The following TASOR2 variants were observed in gnomAD, a reference collection of about 807,000 sequenced individuals.
TASOR2 encodes the protein protein TASOR 2.
Under a neutral mutation model 199.5 loss-of-function variants are expected in TASOR2, and 84 were observed. The observed-to-expected ratio is 0.42, with a 90% CI of 0.35 to 0.50. The LOEUF is 0.50. Ranked by LOEUF, TASOR2 falls within the 20% of genes least tolerant of loss-of-function variation. TASOR2 has a pLI of 0.02. For synonymous variants in TASOR2, 1,103 were observed against 1,046.6 expected (o/e 1.05, Z -1.04); for missense variants, 2,796 against 2,835.9 (o/e 0.99, Z 0.32).
chr10:5,691,786 C>T (rs1282720734), intron 1 of TASOR2, among the ~76,000 whole-genome samples: 5 of 152,088 alleles, frequency 3.3e-5, no homozygotes, highest in South Asian at 2.1e-4. Context: ...TTAAATTTTT[C>T]GTAAATTTTG....
rs1838221171 is a variant in TASOR2 at position 5,752,573 on chromosome 10, G to A, written c.6606+2546G>A. 6.6e-6 allele frequency among the ~76,000 whole-genome samples: 1 copy of A among 152,186 alleles called. No individual in the cohort carries two copies. The highest frequency in any genetic ancestry group is 6.5e-5 in the Admixed American group (1 of 15,278). Reference sequence around the variant, plus strand: ...GTCACGTGGCGAGTCCATGGGGGCTGGATTACTGAGTAACGAGTTACTTAG... The same window carrying A: ...GTCACGTGGCGAGTCCATGGGGGCTAGATTACTGAGTAACGAGTTACTTAG... On this transcript the variant is annotated intron_variant, in intron 15 of 20. Transcript: ENST00000328090. This position sits in a 1 kb window ranked among gnomAD's most constrained non-coding sequence, Gnocchi z 4.4.
At chr10:5,686,051 C>A (rs148564321) in intron 1 of TASOR2, among the ~76,000 whole-genome samples, 616 of 152,260 alleles carry the variant, frequency 4.0e-3, no homozygotes, top group Non-Finnish European at 7.4e-3. Context: ...AAAGCAGTGT[C>A]CCCTAACGGT....
exon 15 of TASOR2, chr10:5,749,518 C>T (rs961578481): frequency 6.8e-6 from 11 of 1,613,964 alleles, no homozygotes; most frequent in Middle Eastern, 3.3e-4. Flanking sequence ...GCATCCTGCA[C>T]CTAGGAGCAG....
chr10:5,720,157 G>A lies in TASOR2; in HGVS notation c.-99-387G>A. 1 of 484,162 alleles carries A rather than the reference G, an allele frequency of 2.1e-6. No individual in the cohort carries two copies. The highest frequency in any genetic ancestry group is 2.7e-6 in the Non-Finnish European group (1 of 372,222). The allele number at this position is 484,162 out of a possible 1,614,324, so 30.0% of individuals were successfully genotyped here. A position where few individuals can be genotyped will look rare whatever the true frequency, so the allele number is the denominator to read the frequency against. ...AGTTCTTAATACAGTTACTGTTAGG[G>A]GACACATATCTGCATCCTTGTTAGA... is the stretch of plus-strand genomic sequence containing the variant. On this transcript the variant is annotated intron_variant, in intron 3 of 20. Coordinates refer to ENST00000328090, the Ensembl canonical transcript of TASOR2. This position sits in a 1 kb window ranked among gnomAD's most constrained non-coding sequence, Gnocchi z 5.3.
intron 1 of TASOR2, among the ~76,000 whole-genome samples, chr10:5,700,051 A>G (rs919286226): frequency 6.6e-6 from 1 of 152,088 alleles, no homozygotes; most frequent in African/African-American, 2.4e-5. Flanking sequence ...ATCAAACCAT[A>G]TATTTATACC....
At position 5,752,712 on chromosome 10, in the gene TASOR2, AT is replaced by A. The variant is rs1277599250; in HGVS notation, c.6606+2688del. 6.6e-6 allele frequency among the ~76,000 whole-genome samples: 1 copy of A among 152,156 alleles called. No homozygotes were observed. The highest frequency in any genetic ancestry group is 1.5e-5 in the Non-Finnish European group (1 of 68,030). ...GCAGAAACCACAGAGCTGCATAAAGATTTCTTGGTCTGCCCTGCTCTTCTCA... is the reference window on the plus strand; with the variant it reads ...GCAGAAACCACAGAGCTGCATAAAGATTCTTGGTCTGCCCTGCTCTTCTCA... On this transcript the variant is annotated intron_variant, in intron 15 of 20. Coordinates refer to ENST00000328090, the Ensembl canonical transcript of TASOR2. The surrounding 1 kb of genome is among the most constrained non-coding windows in gnomAD (Gnocchi z 4.4).
chr10:5,762,332 T>C (rs1839980495), intron 19 of TASOR2, among the ~76,000 whole-genome samples, 200 bp from the exon 21 acceptor site: 1 of 151,670 alleles, frequency 6.6e-6, no homozygotes, highest in South Asian at 2.1e-4. Context: ...TTTTTTTCAG[T>C]ACTTTAACCA....
intron 1 of TASOR2, among the ~76,000 whole-genome samples, chr10:5,688,652 T>G (rs1320494933): frequency 6.6e-6 from 1 of 152,106 alleles, no homozygotes; most frequent in Non-Finnish European, 1.5e-5. Context: ...CATGTGTCAT[T>G]TGGAAAACAT....
At chr10:5,758,414 G>T (rs1839281413) in intron 17 of TASOR2, among the ~76,000 whole-genome samples, 1 of 152,102 alleles carries the variant, frequency 6.6e-6, no homozygotes, top group Non-Finnish European at 1.5e-5. Flanking sequence ...GGTAGTGTGT[G>T]CCTGTAGTCC....
chr10:5,742,184 CAA>C lies in TASOR2; in HGVS notation c.2418_2419del (p.Lys806AsnfsTer22). 1.2e-6 allele frequency: 2 copies of C among 1,614,144 alleles called. No individual in the cohort carries two copies. Among genetic ancestry groups the C allele is most frequent in the Non-Finnish European group, 1.7e-6 (2 of 1,180,018 alleles). ...TAGCTCTGTTTTACAGCAATCAGAACAAAATCATACGATCTTCCCGAAAGGTT... is the reference window on the plus strand; with the variant it reads ...TAGCTCTGTTTTACAGCAATCAGAACAATCATACGATCTTCCCGAAAGGTT... On this transcript the variant is annotated frameshift_variant, in exon 14 of 21. Coordinates refer to ENST00000328090, the Ensembl canonical transcript of TASOR2. LOFTEE classifies it high-confidence loss of function. The surrounding 1 kb of genome is among the most constrained non-coding windows in gnomAD (Gnocchi z 4.2).
intron 1 of TASOR2, among the ~76,000 whole-genome samples, chr10:5,703,916 A>G (rs959319545): frequency 6.6e-6 from 1 of 151,904 alleles, no homozygotes; most frequent in Admixed American, 6.6e-5. Context: ...TGCTAGACTT[A>G]TAATTTGAGA....
chr10:5,743,276 C>T (rs1449348149), intron 14 of TASOR2, among the ~76,000 whole-genome samples: 6 of 152,142 alleles, frequency 3.9e-5, no homozygotes, highest in Admixed American at 3.9e-4. Flanking sequence ...CCGGGGTCAC[C>T]GGGGACTTGG....
chr10:5,742,201 C>T lies in TASOR2; in HGVS notation c.2432C>T (p.Ser811Phe). The T allele has an allele frequency of 1.2e-6, 2 of 1,614,154 alleles. No homozygotes were observed. Among genetic ancestry groups the T allele is most frequent in the Non-Finnish European group, 1.7e-6 (2 of 1,180,028 alleles). ...AATCAGAACAAAATCATACGATCTTCCCGAAAGGTTGTAGAACACAGCAAC... is the reference window on the plus strand; with the variant it reads ...AATCAGAACAAAATCATACGATCTTTCCGAAAGGTTGTAGAACACAGCAAC... Residue 811 changes from serine to phenylalanine, a missense_variant, in exon 14 of 21, where the codon TCC becomes TTC. This residue lies in a region of TASOR2 where 1,941 missense variants were observed against 1,924.9 expected (regional missense o/e 1.01). Transcript: ENST00000328090. This position sits in a 1 kb window ranked among gnomAD's most constrained non-coding sequence, Gnocchi z 4.2.
At chr10:5,705,502 A>T (rs2131531425) in intron 1 of TASOR2, among the ~76,000 whole-genome samples, 1 of 152,310 alleles carries the variant, frequency 6.6e-6, no homozygotes, top group East Asian at 1.9e-4. Flanking sequence ...AATATCTAGG[A>T]ATAGAATTTT....
intron 1 of TASOR2, among the ~76,000 whole-genome samples, chr10:5,686,618 T>C (rs559803057): frequency 4.1e-4 from 62 of 152,352 alleles, no homozygotes; most frequent in African/African-American, 1.4e-3. Flanking sequence ...ATTGTACCTT[T>C]TTATGTTCAC....
At position 5,748,285 on chromosome 10, in the gene TASOR2, G is replaced by A. The variant is rs1046340914; in HGVS notation, c.4864G>A (p.Asp1622Asn). ...CAGTCAGAACCATCTCTTTCCCGGT[G>A]ATTTGAAAACAGATGAAGGCATTTA... The change falls in exon 15 of 21, where the codon GAT (aspartate) becomes AAT (asparagine). Residue 1622 changes from aspartate (D) to asparagine (N), a missense_variant. Asp to Asn is a conservative substitution (Grantham distance 23). This residue lies in a region of TASOR2 where 1,941 missense variants were observed against 1,924.9 expected (regional missense o/e 1.01). Coordinates refer to ENST00000328090, the Ensembl canonical transcript of TASOR2. This position sits in a 1 kb window ranked among gnomAD's most constrained non-coding sequence, Gnocchi z 5.1. The A allele has an allele frequency of 6.2e-7, 1 of 1,614,232 alleles. No homozygotes were observed. Among genetic ancestry groups the A allele is most frequent in the East Asian group, 2.2e-5 (1 of 44,894 alleles).
At chr10:5,741,027 C>G (rs145404728) in intron 13 of TASOR2, among the ~76,000 whole-genome samples, 1 of 152,126 alleles carries the variant, frequency 6.6e-6, no homozygotes, top group Admixed American at 6.6e-5. Flanking sequence ...GATTTGAACC[C>G]GGGTTCTTTC....
At chr10:5,688,303 C>T (rs1031697337) in intron 1 of TASOR2, among the ~76,000 whole-genome samples, 5 of 151,974 alleles carry the variant, frequency 3.3e-5, no homozygotes, top group Admixed American at 2.6e-4. Flanking sequence ...TAGCTCACTA[C>T]AGCCTCCAAC....
chr10:5,730,797 C>A lies in TASOR2; in HGVS notation c.798C>A (p.Asp266Glu). Residue 266 changes from aspartate (D) to glutamate (E), a missense_variant, in exon 11 of 21, where the codon GAC (aspartate) becomes GAA (glutamate). Physicochemically the swap from Asp to Glu is conservative, Grantham distance 45. This residue lies in a region of TASOR2 where 847 missense variants were observed against 887.4 expected (regional missense o/e 0.95). Coordinates refer to ENST00000328090, the Ensembl canonical transcript of TASOR2. This position sits in a 1 kb window ranked among gnomAD's most constrained non-coding sequence, Gnocchi z 4.1. ...CTCAGTTGAACTCTTATTTTTCAGACCCTAGTGCTTACATTTTGGAAGTGT... is the reference window on the plus strand; with the variant it reads ...CTCAGTTGAACTCTTATTTTTCAGAACCTAGTGCTTACATTTTGGAAGTGT... 2 of 1,614,142 alleles carry A rather than the reference C, an allele frequency of 1.2e-6. No homozygotes were observed. The highest frequency in any genetic ancestry group is 1.7e-6 in the Non-Finnish European group (2 of 1,180,032).
Sources: allele counts gnomAD v4.1 joint callset (sites outside exome capture counted in the v4.1 genomes callset), GRCh38; gene constraint gnomAD v4.1.1; regional missense constraint gnomAD v4.1.1; non-coding constraint Gnocchi (gnomAD v3.1); transcripts MANE v1.5; gene names NCBI Gene and HGNC (gene_info 2026-07-23, HGNC 2026-07-21).